Variants in GAS2 observed in about 807,000 individuals in gnomAD.
GAS2 encodes the protein growth arrest-specific protein 2.
A neutral mutation model predicts 37.5 loss-of-function variants in GAS2; 20 were observed. The ratio of observed to expected loss-of-function variants is 0.53; its 90% CI spans 0.37 to 0.77. GAS2 has a LOEUF of 0.77. Ranked by LOEUF, GAS2 falls within the 30% of genes least tolerant of loss-of-function variation. The pLI is 0.00. For missense variants in GAS2, 336 were observed against 373.4 expected (o/e 0.90, Z 0.82); for synonymous variants, 144 against 132.2 (o/e 1.09, Z -0.61).
At chr11:22,697,968 C>T (rs1459458189) in intron 3 of GAS2, among the ~76,000 whole-genome samples, 1 of 151,990 alleles carries the variant, frequency 6.6e-6, no homozygotes, top group African/African-American at 2.4e-5. Context: ...CTGGCCAGAA[C>T]TTCCAACACT....
At chr11:22,789,281 C>CATATATATATATATAT (rs1210684540) in intron 7 of GAS2, among the ~76,000 whole-genome samples, 1 of 109,866 alleles carries the variant, frequency 9.1e-6, no homozygotes, top group African/African-American at 3.8e-5. Flanking sequence ...GCCTAGATTT[C>CATATATATATATATAT]ATATATATAT....
intron 3 of GAS2, among the ~76,000 whole-genome samples, chr11:22,703,196 A>T (rs1850935081): frequency 6.6e-6 from 1 of 152,082 alleles, no homozygotes; most frequent in Non-Finnish European, 1.5e-5. Flanking sequence ...ACCTGACTGA[A>T]TTTTTCCATG....
At chr11:22,704,905 A>G (rs1418521096) in intron 3 of GAS2, among the ~76,000 whole-genome samples, 1 of 152,070 alleles carries the variant, frequency 6.6e-6, no homozygotes, top group African/African-American at 2.4e-5. Context: ...ATTGAAAAGT[A>G]GATACATGAT....
intron 5 of GAS2, among the ~76,000 whole-genome samples, chr11:22,740,949 A>G (rs1853041453): frequency 6.6e-6 from 1 of 152,200 alleles, no homozygotes; most frequent in Non-Finnish European, 1.5e-5. Context: ...CTCCAGTACA[A>G]TCTTGTGAGT....
At chr11:22,705,392 T>C (rs1039852458) in intron 3 of GAS2, among the ~76,000 whole-genome samples, 1 of 152,130 alleles carries the variant, frequency 6.6e-6, no homozygotes, top group Non-Finnish European at 1.5e-5. Flanking sequence ...AGGCCTTCCC[T>C]GACCAACCTA....
At chr11:22,752,310 A>G (rs1023356293) in intron 6 of GAS2, among the ~76,000 whole-genome samples, 7 of 151,966 alleles carry the variant, frequency 4.6e-5, no homozygotes, top group Non-Finnish European at 1.0e-4. Flanking sequence ...TACACTGGGG[A>G]AAACTGCATT....
At chr11:22,687,921 A>G (rs1298754647) in intron 3 of GAS2, among the ~76,000 whole-genome samples, 4 of 152,218 alleles carry the variant, frequency 2.6e-5, no homozygotes, top group Non-Finnish European at 5.9e-5. Context: ...GCCTCAGTGT[A>G]AAGAATCCTT....
chr11:22,652,455 A>C (rs7124449), intron 1 of GAS2, among the ~76,000 whole-genome samples: 34,184 of 152,154 alleles, frequency 0.22, 4,767 homozygotes, highest in African/African-American at 0.39. Context: ...CCATCCAGTT[A>C]GAGCTTCCCG....
intron 4 of GAS2, among the ~76,000 whole-genome samples, chr11:22,737,250 AT>A (rs916423338): frequency 1.3e-5 from 2 of 151,848 alleles, no homozygotes; most frequent in Non-Finnish European, 2.9e-5. Flanking sequence ...TCCTTATTTC[AT>A]TTTTTTTCCT....
Position 22,737,078 on chromosome 11 carries a change from A to G in GAS2, c.410-627A>G, listed in dbSNP as rs1451108296. 2.6e-5 allele frequency among the ~76,000 whole-genome samples: 4 copies of G among 152,216 alleles called. No individual in the cohort carries two copies. In the East Asian group the frequency reaches 7.7e-4, roughly 29 times the overall value. ...GCTTCTGTGATGGGCAAAACTTGCT[A>G]ATGGTGCATTGGTACATATTTCCAA... On this transcript the variant is annotated intron_variant, in intron 4 of 7. Transcript: ENST00000454584.
At position 22,753,533 on chromosome 11, in the gene GAS2, A is replaced by G. The variant is rs550703915; in HGVS notation, c.616-2313A>G. ...CATTTTTTAGTGGAGGAACCAGTTG[A>G]ACATCAATTTACTCTTTGGTTAATT... On this transcript the variant is annotated intron_variant, in intron 6 of 7. Transcript: ENST00000454584. 2.0e-5 allele frequency among the ~76,000 whole-genome samples: 3 copies of G among 152,210 alleles called. No homozygotes were observed. The South Asian group carries it at 6.2e-4, about 32-fold the overall frequency.
intron 1 of GAS2, among the ~76,000 whole-genome samples, chr11:22,640,220 G>T (rs930931165): frequency 6.6e-6 from 1 of 152,128 alleles, no homozygotes; most frequent in Non-Finnish European, 1.5e-5. Context: ...TAGTTGCAGT[G>T]GGTGTGGCTT....
intron 7 of GAS2, among the ~76,000 whole-genome samples, chr11:22,764,002 T>C (rs115750571): frequency 0.011 from 1,660 of 152,334 alleles, 32 homozygotes; most frequent in African/African-American, 0.038. Flanking sequence ...ATTGATGTAA[T>C]TTACACTTTG....
intron 3 of GAS2, among the ~76,000 whole-genome samples, chr11:22,687,837 C>A (rs935952135): frequency 4.6e-5 from 7 of 152,186 alleles, no homozygotes; most frequent in African/African-American, 1.7e-4. Context: ...TGCCCAGACT[C>A]TTGAAAGCAT....
intron 1 of GAS2, among the ~76,000 whole-genome samples, chr11:22,636,534 A>G (rs1278926521): frequency 1.3e-5 from 2 of 152,194 alleles, no homozygotes; most frequent in Non-Finnish European, 2.9e-5. Flanking sequence ...TTTTGAGCCA[A>G]TCATGTTAAT....
upstream of GAS2, among the ~76,000 whole-genome samples, chr11:22,664,691 A>T (rs185369134): frequency 1.0e-3 from 158 of 152,290 alleles, no homozygotes; most frequent in African/African-American, 3.7e-3. Context: ...CTAAGAAAAT[A>T]CTTAGACAAA....
intron 1 of GAS2, among the ~76,000 whole-genome samples, chr11:22,669,095 T>C (rs1244092140): frequency 6.6e-6 from 1 of 152,256 alleles, no homozygotes; most frequent in Non-Finnish European, 1.5e-5. Context: ...CCATGTCACA[T>C]ATGTGTATAT....
At chr11:22,650,749 T>C (rs573266741) in intron 1 of GAS2, among the ~76,000 whole-genome samples, 49 of 152,330 alleles carry the variant, frequency 3.2e-4, no homozygotes, top group Non-Finnish European at 5.3e-4. Context: ...ACCCCTGCCT[T>C]TTTCTGTTTT....
At chr11:22,809,654 AT>A (rs34667252) in intron 7 of GAS2, among the ~76,000 whole-genome samples, 22,661 of 131,852 alleles carry the variant, frequency 0.17, 1,852 homozygotes, top group Non-Finnish European at 0.19. Context: ...TGCCCAGCTA[AT>A]TTTTTTTTTT....
Sources: gnomAD v4.1 joint callset for allele counts (sites outside exome capture counted in the v4.1 genomes callset) on GRCh38, gnomAD v4.1.1 for gene constraint, MANE v1.5 for transcripts, NCBI Gene and HGNC (gene_info 2026-07-23, HGNC 2026-07-21) for gene names.